The following EFCC1 variants were observed in gnomAD, a reference collection of about 807,000 sequenced individuals.
The protein encoded by EFCC1 is EF-hand and coiled-coil domain-containing protein 1.
In EFCC1, 50 loss-of-function variants were observed where a neutral mutation model predicts 52.1. That is an observed-to-expected ratio of 0.96 (90% CI 0.76 to 1.21). The LOEUF is 1.21. EFCC1 is among the 50% of genes most tolerant of loss of function. The probability of loss-of-function intolerance (pLI) is 0.00; values close to 1 mark genes in which losing one functional copy is unlikely to be tolerated. For missense variants in EFCC1, 837 were observed against 867.3 expected, an observed-to-expected ratio of 0.97 and a Z score of 0.44; for synonymous variants, 399 against 396.5, an observed-to-expected ratio of 1.01 and a Z score of -0.08.
chr3:129,027,841 C>T (rs1331569208), intron 2 of EFCC1, among the ~76,000 whole-genome samples: 2 of 152,016 alleles, frequency 1.3e-5, no homozygotes, highest in Non-Finnish European at 2.9e-5. Context: ...GTAGTCCCAG[C>T]TACTTGGGAG....
chr3:129,034,043 G>A, intron 4 of EFCC1, 121 bp from the exon 5 acceptor site: 1 of 1,248,900 alleles, frequency 8.0e-7, no homozygotes, highest in Non-Finnish European at 1.1e-6. Flanking sequence ...GGGCAGGCAG[G>A]TGCCGTGGCC....
At chr3:129,025,002 TGAGG>T (rs1413892392) in intron 2 of EFCC1, among the ~76,000 whole-genome samples, 1 of 152,000 alleles carries the variant, frequency 6.6e-6, no homozygotes. Flanking sequence ...CACACTTCAC[TGAGG>T]GAGGGAGGAG....
At chr3:129,027,664 T>C (rs1946163661) in intron 2 of EFCC1, among the ~76,000 whole-genome samples, 1 of 152,050 alleles carries the variant, frequency 6.6e-6, no homozygotes, top group Non-Finnish European at 1.5e-5. Context: ...ACATGTAAAA[T>C]GGGGACTCAG....
chr3:129,002,129 C>G lies in EFCC1; in HGVS notation c.501C>G (p.Ser167Arg). 1 of 1,472,478 alleles carries G rather than the reference C, an allele frequency of 6.8e-7. No homozygotes were observed. Among genetic ancestry groups the G allele is most frequent in the Non-Finnish European group, 8.9e-7 (1 of 1,119,582 alleles). The allele number at this position is 1,472,478 out of a possible 1,614,324, so 91.2% of individuals were successfully genotyped here. A position where few individuals can be genotyped will look rare whatever the true frequency, so the allele number is the denominator to read the frequency against. Residue 167 changes from serine (S) to arginine (R), a missense_variant, in exon 1 of 8, where the codon AGC (serine) becomes AGG (arginine). Physicochemically the swap from Ser to Arg is moderately radical, Grantham distance 110 (BLOSUM62 -1). Coordinates refer to ENST00000683648, the MANE Select transcript of EFCC1 (RefSeq NM_001377500.1). ...CCCGGCTGCCCCGCGGCGCTCTCAG[C>G]GAGCACATCGAGACGCAGATCCGCC... is the stretch of plus-strand genomic sequence containing the variant. ...AGPRLPRGALSEHIETQIRLR... is the reference protein window; with the variant it reads ...AGPRLPRGALREHIETQIRLR...
chr3:129,038,817 C>T lies in EFCC1; in HGVS notation c.1594-14C>T. 2 of 1,613,462 alleles carry T rather than the reference C, an allele frequency of 1.2e-6. No homozygotes were observed. The highest frequency in any genetic ancestry group is 1.7e-6 in the Non-Finnish European group (2 of 1,179,830). On this transcript the variant is annotated splice_polypyrimidine_tract_variant and intron_variant, in intron 6 of 7. Transcript: ENST00000683648. ...AACCAGTCTAATCCAGCCTTGTTTCCATTTCTTTTTAAGAACATATCGAAA... is the reference window on the plus strand; with the variant it reads ...AACCAGTCTAATCCAGCCTTGTTTCTATTTCTTTTTAAGAACATATCGAAA...
At chr3:129,015,280 C>G (rs1176666302) in intron 2 of EFCC1, among the ~76,000 whole-genome samples, 1 of 152,206 alleles carries the variant, frequency 6.6e-6, no homozygotes, top group Admixed American at 6.5e-5. Context: ...TCCACATTCA[C>G]CCTTCAGGTC....
At position 129,014,577 on chromosome 3, in the gene EFCC1, C is replaced by T. The variant is rs143533568; in HGVS notation, c.980+10500C>T. On this transcript the variant is annotated intron_variant, in intron 2 of 7. Transcript: ENST00000683648. This position sits in a 1 kb window ranked among gnomAD's most constrained non-coding sequence, Gnocchi z 4.3. ...TTAACTTGATTACCTCATTAAAGGT[C>T]CCATCGCCAAATAAGATCACATTAT... 7.7e-4 allele frequency among the ~76,000 whole-genome samples: 117 copies of T among 152,334 alleles called. No homozygotes were observed. The highest frequency in any genetic ancestry group is 2.7e-3 in the African/African-American group (114 of 41,586).
rs1946403409 is a variant in EFCC1 at position 129,039,915 on chromosome 3, G to T, written c.*67G>T. 1 of 1,513,114 alleles carries T rather than the reference G, an allele frequency of 6.6e-7. No homozygotes were observed. The highest frequency in any genetic ancestry group is 2.0e-5 in the Admixed American group (1 of 50,544). 93.7% of individuals were successfully genotyped at this position (1,513,114 alleles called of 1,614,324 possible). On this transcript the variant is annotated 3_prime_UTR_variant, in exon 8 of 8. Transcript: ENST00000683648. ...GCCTTTGGACCAGCCTCCATGATCA[G>T]CCCAACCACTGACAGCTGGTCTGAC...
At chr3:129,026,122 T>C (rs1238497284) in intron 2 of EFCC1, among the ~76,000 whole-genome samples, 1 of 152,256 alleles carries the variant, frequency 6.6e-6, no homozygotes, top group Non-Finnish European at 1.5e-5. Context: ...GTTTGAAATA[T>C]TGAGAACAGC....
At chr3:129,021,577 A>AAAAC (rs113013740) in intron 2 of EFCC1, among the ~76,000 whole-genome samples, 94 of 152,230 alleles carry the variant, frequency 6.2e-4, no homozygotes, top group African/African-American at 2.2e-3. Flanking sequence ...TCCGTCTCAA[A>AAAAC]AAACAAACAA....
At position 129,002,232 on chromosome 3, in the gene EFCC1, C is replaced by G. The variant is rs1237470620; in HGVS notation, c.604C>G (p.Arg202Gly). 1.3e-6 allele frequency: 2 copies of G among 1,529,192 alleles called. No individual in the cohort carries two copies. The highest frequency in any genetic ancestry group is 1.7e-6 in the Non-Finnish European group (2 of 1,143,700). The allele number at this position is 1,529,192 out of a possible 1,614,324, so 94.7% of individuals were successfully genotyped here. A position where few individuals can be genotyped will look rare whatever the true frequency, so the allele number is the denominator to read the frequency against. Reference sequence around the variant, plus strand: ...CGGTCCTGACTGTGAGCGCGTTGCGCGGCTGGAGGAGGAGAATAGCAGCTT... The same window carrying G: ...CGGTCCTGACTGTGAGCGCGTTGCGGGGCTGGAGGAGGAGAATAGCAGCTT... Reference protein sequence around the residue: ...DSGPDCERVARLEEENSSLRE... With the variant: ...DSGPDCERVAGLEEENSSLRE... Residue 202 changes from arginine (R) to glycine (G), a missense_variant, in exon 1 of 8, where the codon CGG becomes GGG. Arg to Gly is a moderately radical substitution (Grantham distance 125, BLOSUM62 -2). Coordinates refer to ENST00000683648, the MANE Select transcript of EFCC1 (RefSeq NM_001377500.1).
chr3:129,025,709 G>A (rs1366637712), intron 2 of EFCC1, among the ~76,000 whole-genome samples: 1 of 152,144 alleles, frequency 6.6e-6, no homozygotes, highest in East Asian at 1.9e-4. Context: ...GGCAATGGGA[G>A]AAGCAGTTGA....
chr3:129,002,063 C>G lies in EFCC1; in HGVS notation c.435C>G (p.Phe145Leu). Residue 145 changes from phenylalanine (F) to leucine (L), a missense_variant, in exon 1 of 8, where the codon TTC (phenylalanine) becomes TTG (leucine). Physicochemically the swap from Phe to Leu is conservative, Grantham distance 22. Transcript: ENST00000683648. ...CGCCGGAGCTCACCTTCCGCCAGTT[C>G]CACGCGCGCCTCTGTGGCTACTTCG... is the stretch of plus-strand genomic sequence containing the variant. ...AEPPELTFRQ[F>L]HARLCGYFGT... is the part of the protein sequence containing the mutation. The G allele has an allele frequency of 1.9e-6, 3 of 1,538,504 alleles. No homozygotes were observed. Among genetic ancestry groups the G allele is most frequent in the Non-Finnish European group, 1.8e-6 (2 of 1,142,362 alleles).
rs760118112 is a variant in EFCC1, at chr3:129,019,764, CTTTTT to C, written c.981-10922_981-10918del. Among the ~76,000 whole-genome samples, 6 of 107,430 alleles carry C rather than the reference CTTTTT, an allele frequency of 5.6e-5. No individual in the cohort carries two copies. The East Asian group carries it at 1.2e-3, about 22-fold the overall frequency. The allele number at this position is 107,430 out of a possible 152,430, so 70.5% of individuals were successfully genotyped here. A position where few individuals can be genotyped will look rare whatever the true frequency, so the allele number is the denominator to read the frequency against. On this transcript the variant is annotated intron_variant, in intron 2 of 7. Transcript: ENST00000683648. ...TTTTATTTAACTTTGATTAAATTTACTTTTTTTTTTTTTTTTTTTTTGAGACTGAG... is the reference window on the plus strand; with the variant it reads ...TTTTATTTAACTTTGATTAAATTTACTTTTTTTTTTTTTTTTGAGACTGAG...
chr3:129,014,143 C>T lies in EFCC1; in HGVS notation c.980+10066C>T, dbSNP rs1945461174. Among the ~76,000 whole-genome samples the T allele has an allele frequency of 6.6e-6, 1 of 152,212 alleles. No homozygotes were observed. The highest frequency in any genetic ancestry group is 1.5e-5 in the Non-Finnish European group (1 of 68,038). On this transcript the variant is annotated intron_variant, in intron 2 of 7. Transcript: ENST00000683648. This position sits in a 1 kb window ranked among gnomAD's most constrained non-coding sequence, Gnocchi z 4.3. The stretch of plus-strand genomic sequence containing the variant: ...TCATTCAACCAAATTCTGTCAAGTG[C>T]CTAGAGAGGGCCCATGCTGTCCTGG...
In EFCC1 at chr3:129,014,720, C is replaced by T. The variant is rs1470219235; in HGVS notation, c.980+10643C>T. Among the ~76,000 whole-genome samples the T allele has an allele frequency of 2.6e-5, 4 of 152,146 alleles. No individual in the cohort carries two copies. The highest frequency in any genetic ancestry group is 9.7e-5 in the African/African-American group (4 of 41,414). On this transcript the variant is annotated intron_variant, in intron 2 of 7. Transcript: ENST00000683648. This position sits in a 1 kb window ranked among gnomAD's most constrained non-coding sequence, Gnocchi z 4.3. Reference sequence around the variant, plus strand: ...TGAGGCCTGAGTGGCAAGGTGGGGCCATGACTTGTGTGATCCAGGGCGGAG... The same window carrying T: ...TGAGGCCTGAGTGGCAAGGTGGGGCTATGACTTGTGTGATCCAGGGCGGAG...
intron 5 of EFCC1, among the ~76,000 whole-genome samples, chr3:129,036,223 T>C (rs1244936806): frequency 6.6e-6 from 1 of 152,240 alleles, no homozygotes; most frequent in Non-Finnish European, 1.5e-5. Flanking sequence ...ATCCTAAAAT[T>C]AGCTGGCCTT....
At chr3:129,016,789 G>T (rs971798365) in intron 2 of EFCC1, among the ~76,000 whole-genome samples, 5 of 152,118 alleles carry the variant, frequency 3.3e-5, no homozygotes, top group Non-Finnish European at 7.3e-5. Context: ...GCACTCACTG[G>T]GTGTTAGGCA....
chr3:129,030,115 G>A (rs1368362118), intron 2 of EFCC1, among the ~76,000 whole-genome samples: 2 of 152,024 alleles, frequency 1.3e-5, no homozygotes, highest in Admixed American at 1.3e-4. Context: ...GAGCCCGGGA[G>A]GTTTGGCTGC....
Sources: allele counts gnomAD v4.1 joint callset (sites outside exome capture counted in the v4.1 genomes callset), GRCh38; gene constraint gnomAD v4.1.1; non-coding constraint Gnocchi (gnomAD v3.1); transcripts MANE v1.5; gene names NCBI Gene and HGNC (gene_info 2026-07-23, HGNC 2026-07-21).